The following LARP1B variants were observed in gnomAD, a reference collection of about 807,000 sequenced individuals.
The protein encoded by LARP1B is la-related protein 1B.
LARP1B carries 76 observed loss-of-function variants against 114.2 expected under a neutral mutation model. The ratio of observed to expected loss-of-function variants is 0.67; its 90% CI spans 0.55 to 0.81. The LOEUF is 0.81. LARP1B is among the 30% of genes least tolerant of loss of function. LARP1B has a pLI of 0.00. For missense variants in LARP1B, 1,014 were observed against 1,075.8 expected (o/e 0.94, Z 0.80); for synonymous variants, 345 against 348.0 (o/e 0.99, Z 0.10).
chr4:128,100,209 C>T (rs1045092888), intron 8 of LARP1B, among the ~76,000 whole-genome samples: 6 of 152,244 alleles, frequency 3.9e-5, no homozygotes, highest in East Asian at 1.9e-4. Context: ...GCGATCCATC[C>T]GCCTTGGCCT....
chr4:128,156,817 A>G (rs1262120628), intron 11 of LARP1B, among the ~76,000 whole-genome samples: 2 of 147,666 alleles, frequency 1.4e-5, no homozygotes, highest in African/African-American at 5.0e-5. Flanking sequence ...TCCTAAAGAG[A>G]GTATTTTTAT....
intron 17 of LARP1B, among the ~76,000 whole-genome samples, chr4:128,202,089 C>A (rs958401784): frequency 6.6e-6 from 1 of 152,166 alleles, no homozygotes; most frequent in Non-Finnish European, 1.5e-5. Context: ...AACAGCAGAT[C>A]CATGGCAGGT....
At position 128,210,705 on chromosome 4, in the gene LARP1B, T is replaced by A; in HGVS notation, c.*652T>A. ...TGCACTTTTGATGCTAGGTTTTGCT[T>A]TTCTCCCCCCAGTCATATCTCATGA... is the stretch of plus-strand genomic sequence containing the variant. On this transcript the variant is annotated 3_prime_UTR_variant, in exon 20 of 20. Coordinates refer to ENST00000326639, the MANE Select transcript of LARP1B (RefSeq NM_018078.4). The A allele has an allele frequency of 1.0e-6, 1 of 985,282 alleles. No individual in the cohort carries two copies. The highest frequency in any genetic ancestry group is 1.7e-5 in the African/African-American group (1 of 57,370). The allele number at this position is 985,282 out of a possible 1,614,324, so 61.0% of individuals were successfully genotyped here.
At chr4:128,155,940 C>A (rs879440829) in intron 11 of LARP1B, 157 of 1,522,202 alleles carry the variant, frequency 1.0e-4, no homozygotes, top group Non-Finnish European at 1.3e-4. Context: ...GGTACACAGG[C>A]GGTACCAGCG....
intron 11 of LARP1B, chr4:128,123,087 A>C (rs1788514948): frequency 1.0e-6 from 1 of 985,340 alleles, no homozygotes; most frequent in Non-Finnish European, 1.2e-6. Flanking sequence ...GGCTGAGTAG[A>C]GGGGACTGCC....
chr4:128,191,600 G>T (rs1261484764), intron 15 of LARP1B, among the ~76,000 whole-genome samples: 1 of 152,110 alleles, frequency 6.6e-6, no homozygotes, highest in African/African-American at 2.4e-5. Flanking sequence ...CAAACGGTTT[G>T]TACCCAGAAA....
intron 4 of LARP1B, among the ~76,000 whole-genome samples, chr4:128,079,290 T>A (rs1769281927): frequency 6.6e-6 from 1 of 152,010 alleles, no homozygotes; most frequent in South Asian, 2.1e-4. Flanking sequence ...AGACGGGGTT[T>A]CACTGTGTTG....
At chr4:128,082,675 T>C (rs1770963902) in intron 5 of LARP1B, among the ~76,000 whole-genome samples, 1 of 152,194 alleles carries the variant, frequency 6.6e-6, no homozygotes, top group Non-Finnish European at 1.5e-5. Flanking sequence ...ACATTGATTT[T>C]TTTGAAGATT....
At chr4:128,066,216 G>A (rs1762788679) in intron 1 of LARP1B, among the ~76,000 whole-genome samples, 2 of 121,284 alleles carry the variant, frequency 1.6e-5, no homozygotes, top group South Asian at 2.7e-4. Flanking sequence ...TCGCTCTGTC[G>A]CCCAGGCTGG....
chr4:128,204,298 CCTA>C (rs1421581003), intron 17 of LARP1B, among the ~76,000 whole-genome samples: 44 of 152,018 alleles, frequency 2.9e-4, no homozygotes, highest in African/African-American at 1.0e-3. Context: ...ATGAGTAAGA[CCTA>C]CTATTTGATA....
rs553904251 is a variant in LARP1B at position 128,211,791 on chromosome 4, A to G, written c.*1738A>G. 1.3e-5 allele frequency: 11 copies of G among 859,644 alleles called. No individual in the cohort carries two copies. The African/African-American group carries it at 1.6e-4, about 13-fold the overall frequency. 53.3% of individuals were successfully genotyped at this position (859,644 alleles called of 1,614,324 possible). A position where few individuals can be genotyped will look rare whatever the true frequency, so the allele number is the denominator to read the frequency against. On this transcript the variant is annotated 3_prime_UTR_variant, in exon 20 of 20. Coordinates refer to ENST00000326639, the MANE Select transcript of LARP1B (RefSeq NM_018078.4). ...GTATTTAACCAGATATTTCTACTCA[A>G]CTGAATATACAAGTGTAAATTTGAT...
At chr4:128,071,656 A>T (rs1308536011) in intron 1 of LARP1B, among the ~76,000 whole-genome samples, 3 of 150,896 alleles carry the variant, frequency 2.0e-5, no homozygotes, top group African/African-American at 7.3e-5. Flanking sequence ...TCCTGACCTC[A>T]GGTGATCCAC....
intron 11 of LARP1B, among the ~76,000 whole-genome samples, chr4:128,131,007 G>A (rs956017635): frequency 6.6e-6 from 1 of 152,204 alleles, no homozygotes; most frequent in Admixed American, 6.5e-5. Context: ...AAAAAGATCA[G>A]TGATTGCCAA....
intron 10 of LARP1B, among the ~76,000 whole-genome samples, chr4:128,121,523 A>G (rs1361471679): frequency 6.6e-6 from 1 of 152,226 alleles, no homozygotes; most frequent in African/African-American, 2.4e-5. Flanking sequence ...AAATACTTTC[A>G]TATCTCTAGG....
chr4:128,080,762 G>A (rs1421731040), intron 4 of LARP1B, among the ~76,000 whole-genome samples: 1 of 150,456 alleles, frequency 6.6e-6, no homozygotes, highest in African/African-American at 2.4e-5. Context: ...AACTGCTTGT[G>A]TTTTTTTTTC....
At position 128,211,454 on chromosome 4, in the gene LARP1B, T is replaced by C; in HGVS notation, c.*1401T>C. The stretch of plus-strand genomic sequence containing the variant: ...AAATAGGTTTTCATTAAGTTATTTC[T>C]CATGATAAGTAATAATCAGCAGTTT... On this transcript the variant is annotated 3_prime_UTR_variant, in exon 20 of 20. Coordinates refer to ENST00000326639, the MANE Select transcript of LARP1B (RefSeq NM_018078.4). The C allele has an allele frequency of 1.1e-6, 1 of 918,788 alleles. No individual in the cohort carries two copies. The highest frequency in any genetic ancestry group is 1.3e-6 in the Non-Finnish European group (1 of 769,348). The allele number at this position is 918,788 out of a possible 1,614,324, so 56.9% of individuals were successfully genotyped here.
chr4:128,098,767 A>ATATATATATATATATAT (rs1328165907), intron 8 of LARP1B, among the ~76,000 whole-genome samples: 2 of 35,032 alleles, frequency 5.7e-5, no homozygotes, highest in African/African-American at 1.3e-4. Flanking sequence ...ATATATATAT[A>ATATATATATATATATAT]TTTTTTTTTT....
At chr4:128,080,688 A>T (rs1196814187) in intron 4 of LARP1B, among the ~76,000 whole-genome samples, 1 of 152,214 alleles carries the variant, frequency 6.6e-6, no homozygotes, top group Non-Finnish European at 1.5e-5. Context: ...TGATCTTCAG[A>T]ATTTCACTAT....
intron 12 of LARP1B, 80 bp downstream of exon 12, chr4:128,162,397 TTTC>T (rs998309242): frequency 2.8e-4 from 350 of 1,269,498 alleles, no homozygotes; most frequent in Non-Finnish European, 3.6e-4. Flanking sequence ...GCTCCTTTTT[TTTC>T]TTTATTTGTG....
Sources: allele counts gnomAD v4.1 joint callset (sites outside exome capture counted in the v4.1 genomes callset), GRCh38; gene constraint gnomAD v4.1.1; transcripts MANE v1.5; gene names NCBI Gene and HGNC (gene_info 2026-07-23, HGNC 2026-07-21).